The following DOCK1 variants were observed in gnomAD, a reference collection of about 807,000 sequenced individuals.
The protein encoded by DOCK1 is dedicator of cytokinesis protein 1.
In DOCK1, 138 loss-of-function variants were observed where a neutral mutation model predicts 262.7. The observed-to-expected ratio is 0.53, with a 90% confidence interval of 0.46 to 0.61. The LOEUF (loss-of-function observed/expected upper bound fraction) is 0.61. Among genes scored for constraint, DOCK1 ranks in the 20% least tolerant of loss-of-function variants. The pLI is 0.00. For missense variants in DOCK1, 1,908 were observed against 2,370.7 expected, an observed-to-expected ratio of 0.80 and a Z score of 4.05; for synonymous variants, 866 against 867.4, an observed-to-expected ratio of 1.00 and a Z score of 0.03.
chr10:127,424,151 A>C (rs540265526), intron 46 of DOCK1, among the ~76,000 whole-genome samples: 71 of 152,222 alleles, frequency 4.7e-4, no homozygotes, highest in African/African-American at 1.7e-3. Context: ...TTAGAATCAC[A>C]CCTGCAGTTC....
At chr10:127,178,741 C>T (rs1482928245) in intron 27 of DOCK1, among the ~76,000 whole-genome samples, 3 of 152,118 alleles carry the variant, frequency 2.0e-5, no homozygotes, top group Non-Finnish European at 4.4e-5. Flanking sequence ...AAGAAACAGA[C>T]TGGAGATGCA....
intron 24 of DOCK1, among the ~76,000 whole-genome samples, chr10:127,109,812 C>T (rs2048757775): frequency 6.6e-6 from 1 of 151,392 alleles, no homozygotes; most frequent in South Asian, 2.1e-4. Flanking sequence ...ATGAACAATG[C>T]CACTTGGATT....
chr10:126,955,918 A>G (rs1269090525), intron 1 of DOCK1, among the ~76,000 whole-genome samples: 2 of 152,204 alleles, frequency 1.3e-5, no homozygotes, highest in East Asian at 3.9e-4. Context: ...TGGCTCAAAT[A>G]GTGGTGTTGA....
chr10:126,960,232 A>G (rs1039100909), intron 1 of DOCK1, among the ~76,000 whole-genome samples: 1 of 152,016 alleles, frequency 6.6e-6, no homozygotes, highest in Non-Finnish European at 1.5e-5. Context: ...GGTGCCAGGC[A>G]CTGTTAGGCA....
Position 127,175,116 on chromosome 10 carries a change from G to T in DOCK1, c.2847+47352G>T. ...CTATGACCTGTTTACGGAAATGCTG[G>T]CTTTAGTCTCATTACAGACTTGGGT... On this transcript the variant is annotated intron_variant, in intron 27 of 51. Coordinates refer to ENST00000623213, the MANE Select transcript of DOCK1 (RefSeq NM_001290223.2). The surrounding 1 kb of genome is among the most constrained non-coding windows in gnomAD (Gnocchi z 6.3). The T allele has an allele frequency of 9.3e-7, 1 of 1,072,806 alleles. No homozygotes were observed. The highest frequency in any genetic ancestry group is 1.4e-6 in the Non-Finnish European group (1 of 724,908). 66.5% of individuals were successfully genotyped at this position (1,072,806 alleles called of 1,614,324 possible).
intron 29 of DOCK1, among the ~76,000 whole-genome samples, chr10:127,265,338 G>A (rs564891382): frequency 1.3e-5 from 2 of 152,128 alleles, no homozygotes; most frequent in South Asian, 4.2e-4. Context: ...TTTGGAGTTT[G>A]TGAGATCATG....
intron 21 of DOCK1, among the ~76,000 whole-genome samples, chr10:127,049,472 G>A (rs914919572): frequency 6.6e-6 from 1 of 152,056 alleles, no homozygotes; most frequent in Non-Finnish European, 1.5e-5. Flanking sequence ...AGTGAGCCAC[G>A]ATCACGCTAC....
At chr10:127,239,188 A>C (rs1344271837) in intron 27 of DOCK1, among the ~76,000 whole-genome samples, 1 of 152,198 alleles carries the variant, frequency 6.6e-6, no homozygotes, top group Non-Finnish European at 1.5e-5. Flanking sequence ...TTGGTAGCTT[A>C]TGTAGTTGTA....
chr10:126,943,306 C>G (rs1451050495), intron 1 of DOCK1, among the ~76,000 whole-genome samples: 1 of 152,148 alleles, frequency 6.6e-6, no homozygotes, highest in African/African-American at 2.4e-5. Flanking sequence ...AACCTGACTG[C>G]CTTACTTTCT....
At chr10:127,080,151 C>A (rs2046818496) in intron 23 of DOCK1, among the ~76,000 whole-genome samples, 1 of 152,090 alleles carries the variant, frequency 6.6e-6, no homozygotes, top group Admixed American at 6.5e-5. Context: ...CATGCTCATA[C>A]TTCCTAGGAG....
At chr10:127,234,584 T>C (rs1420663277) in intron 27 of DOCK1, among the ~76,000 whole-genome samples, 1 of 152,146 alleles carries the variant, frequency 6.6e-6, no homozygotes, top group African/African-American at 2.4e-5. Context: ...CTTCAATTAA[T>C]TTAAAAATTC....
intron 27 of DOCK1, among the ~76,000 whole-genome samples, chr10:127,133,445 A>G (rs953815318): frequency 2.6e-5 from 4 of 152,206 alleles, no homozygotes; most frequent in African/African-American, 9.7e-5. Flanking sequence ...AATGTCTATA[A>G]TTGTACTGTT....
At chr10:127,311,209 T>G (rs2062050901) in intron 29 of DOCK1, among the ~76,000 whole-genome samples, 1 of 152,188 alleles carries the variant, frequency 6.6e-6, no homozygotes, top group South Asian at 2.1e-4. Context: ...AGGCAGCTGT[T>G]CCTGGGGCCA....
At chr10:127,055,286 T>TG (rs1294961298) in intron 22 of DOCK1, among the ~76,000 whole-genome samples, 1 of 152,122 alleles carries the variant, frequency 6.6e-6, no homozygotes, top group Non-Finnish European at 1.5e-5. Context: ...CCATCCTTAG[T>TG]GGGGTCTCTT....
chr10:127,128,217 A>G (rs1172581998), intron 27 of DOCK1: 1 of 152,364 alleles, frequency 6.6e-6, no homozygotes, highest in African/African-American at 2.4e-5. Flanking sequence ...TTACTAATTT[A>G]GACAGTCCAT....
At chr10:127,038,825 T>C (rs2043830256) in intron 19 of DOCK1, among the ~76,000 whole-genome samples, 1 of 152,236 alleles carries the variant, frequency 6.6e-6, no homozygotes, top group Non-Finnish European at 1.5e-5. Flanking sequence ...TATTAGGCTC[T>C]TCTCTGCTCT....
At chr10:127,053,767 G>A (rs901959557) in intron 22 of DOCK1, among the ~76,000 whole-genome samples, 2 of 152,218 alleles carry the variant, frequency 1.3e-5, no homozygotes, top group African/African-American at 2.4e-5. Flanking sequence ...GTTAAGAGCT[G>A]CGCTAAAATG....
At chr10:127,347,961 A>G (rs539835645) in intron 31 of DOCK1, among the ~76,000 whole-genome samples, 22 of 144,582 alleles carry the variant, frequency 1.5e-4, no homozygotes, top group Non-Finnish European at 3.0e-4. Context: ...GCTCAAAACA[A>G]TAGAAATTCC....
chr10:127,439,728 C>G (rs939482913), intron 49 of DOCK1, among the ~76,000 whole-genome samples: 8 of 152,210 alleles, frequency 5.3e-5, no homozygotes, highest in Non-Finnish European at 1.0e-4. Context: ...GTATCCTGCT[C>G]TGTCTCATCT....
Sources: allele counts gnomAD v4.1 joint callset (sites outside exome capture counted in the v4.1 genomes callset), GRCh38; gene constraint gnomAD v4.1.1; non-coding constraint Gnocchi (gnomAD v3.1); transcripts MANE v1.5; gene names NCBI Gene and HGNC (gene_info 2026-07-23, HGNC 2026-07-21).